MICAL3: variants seen among roughly 807,000 people sequenced by gnomAD.
MICAL3 encodes the protein microtubule associated monooxygenase, calponin and LIM domain containing 3.
MICAL3 carries 62 observed loss-of-function variants against 207.4 expected under a neutral mutation model. The ratio of observed to expected loss-of-function variants is 0.30; its 90% CI spans 0.24 to 0.37. The LOEUF (loss-of-function observed/expected upper bound fraction) is 0.37. MICAL3 is among the 10% of genes least tolerant of loss of function. The probability of loss-of-function intolerance (pLI) is 1.00; values close to 1 mark genes in which losing one functional copy is unlikely to be tolerated. For missense variants in MICAL3, 2,368 were observed against 2,635.6 expected (o/e 0.90, Z 2.22); for synonymous variants, 1,077 against 1,069.3 (o/e 1.01, Z -0.14).
intron 1 of MICAL3, among the ~76,000 whole-genome samples, chr22:17,942,769 G>T (rs1245215630): frequency 6.6e-6 from 1 of 152,222 alleles, no homozygotes; most frequent in East Asian, 1.9e-4. Flanking sequence ...AGCCAGGCCC[G>T]CAGTTCAACC....
In MICAL3 at chr22:17,860,797, C is replaced by T. The variant is rs1374413239; in HGVS notation, c.2605+4102G>A. ...ACCCACCCACTCACCTCCTTACAGG[C>T]GTGCTGCCCGTACGCTGCTGTGCAT... On this transcript the variant is annotated intron_variant, in intron 19 of 31. Transcript: ENST00000441493. 2.0e-5 allele frequency: 19 copies of T among 965,338 alleles called. No individual in the cohort carries two copies. In the Admixed American group the frequency reaches 7.1e-4, roughly 36 times the overall value. 59.8% of individuals were successfully genotyped at this position (965,338 alleles called of 1,614,324 possible).
intron 1 of MICAL3, among the ~76,000 whole-genome samples, chr22:17,915,107 A>C (rs1035724778): frequency 5.9e-5 from 4 of 68,066 alleles, no homozygotes; most frequent in African/African-American, 9.1e-5. Flanking sequence ...GGAGAATCCC[A>C]AAAAAAAGCT....
At chr22:17,832,138 A>T (rs1206548255) in intron 20 of MICAL3, 31 bp from the exon 21 acceptor site, 2 of 1,551,234 alleles carry the variant, frequency 1.3e-6, no homozygotes, top group Non-Finnish European at 1.7e-6. Flanking sequence ...AGCCAGAGTG[A>T]GGGAATGAAG....
chr22:17,889,902 A>C (rs1425020540), intron 12 of MICAL3, among the ~76,000 whole-genome samples: 2 of 152,208 alleles, frequency 1.3e-5, no homozygotes, highest in Admixed American at 6.5e-5. Context: ...AACATGATAC[A>C]TCTCCCATTT....
intron 27 of MICAL3, chr22:17,814,644 C>G (rs576463839): frequency 6.6e-6 from 1 of 152,334 alleles, no homozygotes; most frequent in South Asian, 2.1e-4. Context: ...CCATACCATG[C>G]GGAAGTCAGG....
intron 1 of MICAL3, among the ~76,000 whole-genome samples, chr22:17,942,543 G>A (rs1309696408): frequency 6.6e-6 from 1 of 152,226 alleles, no homozygotes; most frequent in Non-Finnish European, 1.5e-5. Context: ...AATCTAAGGA[G>A]AGTGGCTTTC....
Position 17,889,860 on chromosome 22 carries a change from TGTATG to T in MICAL3, c.1695-635_1695-631del, listed in dbSNP as rs1930249430. Among the ~76,000 whole-genome samples, 7 of 152,298 alleles carry T rather than the reference TGTATG, an allele frequency of 4.6e-5. 1 individual carries two copies. The South Asian group carries it at 1.5e-3, about 32-fold the overall frequency. On this transcript the variant is annotated intron_variant, in intron 12 of 31. Coordinates refer to ENST00000441493, the MANE Select transcript of MICAL3 (RefSeq NM_015241.3). ...TATCTTTAATATATCTTGATCCTTG[TGTATG>T]GCCCATCCACATTAAACTAATGTCA...
At position 17,841,471 on chromosome 22, in the gene MICAL3, C is replaced by T. The variant is rs1279245121; in HGVS notation, c.2801+351G>A. On this transcript the variant is annotated intron_variant, in intron 20 of 31. Coordinates refer to ENST00000441493, the MANE Select transcript of MICAL3 (RefSeq NM_015241.3). This position sits in a 1 kb window ranked among gnomAD's most constrained non-coding sequence, Gnocchi z 4.2. ...TCAAGACGGCCCGGTGCACTGGTGG[C>T]TGAATCACCCAGAGTCCCTCCCCGT... The T allele has an allele frequency of 4.3e-6, 2 of 463,866 alleles. No individual in the cohort carries two copies. Among genetic ancestry groups the T allele is most frequent in the African/African-American group, 3.8e-5 (2 of 52,194 alleles). The allele number at this position is 463,866 out of a possible 1,614,324, so 28.7% of individuals were successfully genotyped here.
At chr22:17,798,902 T>A (rs1219086693) in intron 29 of MICAL3, among the ~76,000 whole-genome samples, 1 of 152,000 alleles carries the variant, frequency 6.6e-6, no homozygotes, top group African/African-American at 2.4e-5. Flanking sequence ...CTCGATCTCC[T>A]GACCTTGTGA....
intron 9 of MICAL3, among the ~76,000 whole-genome samples, chr22:17,895,979 T>C (rs1930794344): frequency 6.6e-6 from 1 of 152,212 alleles, no homozygotes; most frequent in South Asian, 2.1e-4. Flanking sequence ...TGTTTTCCTA[T>C]GAATTCAAAG....
rs1921713125 is a variant in MICAL3, at chr22:17,822,120, G to A, written c.3358C>T (p.Pro1120Ser). 3 of 1,613,826 alleles carry A rather than the reference G, an allele frequency of 1.9e-6. No individual in the cohort carries two copies. Among genetic ancestry groups the A allele is most frequent in the Middle Eastern group, 3.3e-4 (2 of 6,062 alleles). The change falls in exon 24 of 32, where the codon CCG (proline) becomes TCG (serine). Residue 1120 changes from proline (P) to serine (S), a missense_variant. Physicochemically the swap from Pro to Ser is moderately conservative, Grantham distance 74. Coordinates refer to ENST00000441493, the MANE Select transcript of MICAL3 (RefSeq NM_015241.3). Reference sequence around the variant, plus strand: ...TCTGCTTCCCCCTCAGCTGGGCACGGCAAACGCAGCTCTCTGTCAGCATCC... The same window carrying A: ...TCTGCTTCCCCCTCAGCTGGGCACGACAAACGCAGCTCTCTGTCAGCATCC... ...PSDADRELRL[P>S]CPAEGEAELE...
chr22:17,934,616 G>A (rs1404947219), intron 1 of MICAL3, among the ~76,000 whole-genome samples: 7 of 152,150 alleles, frequency 4.6e-5, no homozygotes, highest in African/African-American at 2.4e-5. Flanking sequence ...AGGGCAATCA[G>A]GCAAGAGAAA....
chr22:17,955,110 T>A (rs1934550660), intron 1 of MICAL3, among the ~76,000 whole-genome samples: 1 of 152,170 alleles, frequency 6.6e-6, no homozygotes, highest in African/African-American at 2.4e-5. Flanking sequence ...TATAGCAGGA[T>A]TCTTGTTAAG....
intron 1 of MICAL3, among the ~76,000 whole-genome samples, chr22:17,977,651 C>T (rs912232752): frequency 6.6e-5 from 10 of 152,086 alleles, no homozygotes; most frequent in Admixed American, 5.9e-4. Context: ...AAAAGTTTGA[C>T]AGCTCCTCAA....
At chr22:17,849,687 T>TG (rs1925072458) in intron 19 of MICAL3, among the ~76,000 whole-genome samples, 8 of 101,440 alleles carry the variant, frequency 7.9e-5, no homozygotes, top group African/African-American at 1.2e-4. Context: ...TGTGTGTGTG[T>TG]ATTTTTTTTT....
At chr22:17,962,006 AG>A (rs1370389931) in intron 1 of MICAL3, among the ~76,000 whole-genome samples, 1 of 152,228 alleles carries the variant, frequency 6.6e-6, no homozygotes, top group Non-Finnish European at 1.5e-5. Flanking sequence ...GACAGACTAT[AG>A]GACTTACAGA....
chr22:18,023,307 A>T (rs9605497), intron 1 of MICAL3, among the ~76,000 whole-genome samples: 1 of 152,030 alleles, frequency 6.6e-6, no homozygotes, highest in Admixed American at 6.5e-5. Context: ...CAGAATCTCC[A>T]GGGATTGGAC....
chr22:17,845,519 T>G (rs1489307215), intron 19 of MICAL3, among the ~76,000 whole-genome samples: 3 of 150,610 alleles, frequency 2.0e-5, no homozygotes, highest in Non-Finnish European at 4.4e-5. Flanking sequence ...ATAGAGAGAG[T>G]GAGTCAGCAC....
Position 17,906,726 on chromosome 22 carries a change from G to A in MICAL3, c.87C>T (p.Leu29=). Residue 29 remains leucine (L), a synonymous_variant, in exon 2 of 32, where the codon CTC becomes CTT. Transcript: ENST00000441493. The part of the protein sequence containing the change: ...FVQATTCKGT[L]KAFQELCDHL... ...GGTCACAGAGCTCCTGGAAAGCCTTGAGGGTTCCCTTGCAGGTGGTGGCCT... is the reference window on the plus strand; with the variant it reads ...GGTCACAGAGCTCCTGGAAAGCCTTAAGGGTTCCCTTGCAGGTGGTGGCCT... 1 of 1,613,972 alleles carries A rather than the reference G, an allele frequency of 6.2e-7. No homozygotes were observed. Among genetic ancestry groups the A allele is most frequent in the South Asian group, 1.1e-5 (1 of 91,082 alleles).
Sources: allele counts gnomAD v4.1 joint callset (sites outside exome capture counted in the v4.1 genomes callset), GRCh38; gene constraint gnomAD v4.1.1; non-coding constraint Gnocchi (gnomAD v3.1); transcripts MANE v1.5; gene names NCBI Gene and HGNC (gene_info 2026-07-23, HGNC 2026-07-21).